The following CSNK1G1 variants were observed in gnomAD, a reference collection of about 807,000 sequenced individuals.
CSNK1G1 encodes the protein casein kinase 1 gamma 1.
In CSNK1G1, 22 loss-of-function variants were observed where a neutral mutation model predicts 59.6. The ratio of observed to expected loss-of-function variants is 0.37; its 90% CI spans 0.26 to 0.53. CSNK1G1 has a LOEUF of 0.53. CSNK1G1 is among the 20% of genes least tolerant of loss of function. CSNK1G1 has a pLI of 0.89. For missense variants in CSNK1G1, 384 were observed against 519.5 expected (o/e 0.74, Z 2.54); for synonymous variants, 179 against 177.1 (o/e 1.01, Z -0.08).
chr15:64,241,524 T>C (rs1165525958), intron 4 of CSNK1G1, among the ~76,000 whole-genome samples: 3 of 152,196 alleles, frequency 2.0e-5, no homozygotes, highest in East Asian at 1.9e-4. Context: ...CATCAGCATA[T>C]GGAATATTAT....
intron 2 of CSNK1G1, among the ~76,000 whole-genome samples, chr15:64,267,680 A>G (rs1249103882): frequency 1.3e-5 from 2 of 152,238 alleles, no homozygotes; most frequent in African/African-American, 2.4e-5. Flanking sequence ...GAAGAGAGGG[A>G]AATTTTTATA....
Position 64,168,095 on chromosome 15 carries a change from T to C in CSNK1G1, c.*3836A>G, listed in dbSNP as rs2081623253. The stretch of plus-strand genomic sequence containing the variant: ...TTTCTGGCTGATGGACAGGGACTGT[T>C]TTCTAAGTACTTGGAGTTCATTTAG... On this transcript the variant is annotated 3_prime_UTR_variant, in exon 12 of 12. Transcript: ENST00000303052. 1 of 152,604 alleles carries C rather than the reference T, an allele frequency of 6.6e-6. No individual in the cohort carries two copies. Among genetic ancestry groups the C allele is most frequent in the South Asian group, 2.1e-4 (1 of 4,832 alleles). 9.5% of individuals were successfully genotyped at this position (152,604 alleles called of 1,614,324 possible).
At chr15:64,243,073 C>T (rs948271730) in intron 4 of CSNK1G1, among the ~76,000 whole-genome samples, 2 of 151,988 alleles carry the variant, frequency 1.3e-5, no homozygotes, top group Admixed American at 6.5e-5. Context: ...CGGTGGCTCT[C>T]GCCTGTAATC....
chr15:64,323,776 T>C (rs1284654229), intron 1 of CSNK1G1, among the ~76,000 whole-genome samples: 2 of 152,180 alleles, frequency 1.3e-5, no homozygotes, highest in Non-Finnish European at 2.9e-5. Flanking sequence ...CCTTATCTTC[T>C]CACTCTATAG....
intron 10 of CSNK1G1, chr15:64,182,053 G>GTTTTTTTTTTTTTT (rs71447372): frequency 3.6e-5 from 3 of 83,236 alleles, no homozygotes; most frequent in African/African-American, 1.6e-4. Context: ...TTAGTAACCC[G>GTTTTTTTTTTTTTT]TTTTTTTTTT....
At chr15:64,232,885 G>C (rs925089706) in intron 4 of CSNK1G1, among the ~76,000 whole-genome samples, 3 of 152,134 alleles carry the variant, frequency 2.0e-5, no homozygotes, top group Non-Finnish European at 4.4e-5. Flanking sequence ...AGAATTAAAG[G>C]GAGAAAATAG....
chr15:64,252,443 C>G lies in CSNK1G1; in HGVS notation c.223-862G>C, dbSNP rs8026079. On this transcript the variant is annotated intron_variant, in intron 3 of 11. Coordinates refer to ENST00000303052, the MANE Select transcript of CSNK1G1 (RefSeq NM_022048.5). Reference sequence around the variant, plus strand: ...TAGGCTGGTCCCAAATTCCTGGGCTCAAGCAATCCTCCCACTTCAGCCACC... The same window carrying G: ...TAGGCTGGTCCCAAATTCCTGGGCTGAAGCAATCCTCCCACTTCAGCCACC... 8.4e-3 allele frequency among the ~76,000 whole-genome samples: 1,273 copies of G among 152,130 alleles called. 19 individuals carry two copies. Among genetic ancestry groups the G allele is most frequent in the African/African-American group, 0.029 (1,196 of 41,472 alleles).
At chr15:64,183,898 G>A (rs62024259) in intron 10 of CSNK1G1, among the ~76,000 whole-genome samples, 104 of 151,926 alleles carry the variant, frequency 6.8e-4, no homozygotes, top group Admixed American at 1.2e-3. Context: ...ACCACATCTG[G>A]CTAATTTTTG....
chr15:64,326,709 T>C (rs9744515), intron 1 of CSNK1G1, among the ~76,000 whole-genome samples: 19,924 of 151,128 alleles, frequency 0.13, 1,324 homozygotes, highest in African/African-American at 0.18. Flanking sequence ...GTCTACAGCT[T>C]CCAGCATGAG....
At chr15:64,259,011 A>G (rs1892545580) in intron 3 of CSNK1G1, 190 bp downstream of exon 3, 2 of 421,018 alleles carry the variant, frequency 4.8e-6, no homozygotes, top group East Asian at 7.3e-5. Flanking sequence ...ATTTAACTAT[A>G]TAGTGTTATA....
chr15:64,311,136 T>G lies in CSNK1G1; in HGVS notation c.-224-10413A>C, dbSNP rs189339220. Among the ~76,000 whole-genome samples, 5 of 152,118 alleles carry G rather than the reference T, an allele frequency of 3.3e-5. No homozygotes were observed. The East Asian group carries it at 9.7e-4, about 29-fold the overall frequency. On this transcript the variant is annotated intron_variant, in intron 1 of 11. Coordinates refer to ENST00000303052, the MANE Select transcript of CSNK1G1 (RefSeq NM_022048.5). ...TGGCATGATCTCAGCTCACTGCAAC[T>G]TCCACCTCCCGGGATTCTCCTGCCT...
intron 1 of CSNK1G1, among the ~76,000 whole-genome samples, chr15:64,310,224 G>A (rs1200397800): frequency 6.6e-6 from 1 of 152,030 alleles, no homozygotes; most frequent in Admixed American, 6.5e-5. Flanking sequence ...TGGCCATGAA[G>A]AAACAGCCTA....
chr15:64,186,612 C>G (rs552388174), intron 10 of CSNK1G1, among the ~76,000 whole-genome samples: 1 of 152,190 alleles, frequency 6.6e-6, no homozygotes, highest in Non-Finnish European at 1.5e-5. Flanking sequence ...TGGGCTCAAG[C>G]GATCCTCCCG....
chr15:64,192,722 G>A (rs941348459), intron 10 of CSNK1G1, among the ~76,000 whole-genome samples: 3 of 151,476 alleles, frequency 2.0e-5, no homozygotes. Context: ...AGCCGGGAGT[G>A]GTGGCATATG....
rs145405923 is a variant in CSNK1G1 at position 64,242,812 on chromosome 15, C to A, written c.292+8700G>T. The stretch of plus-strand genomic sequence containing the variant: ...ACTACATAGCAATATTCCTCATGAA[C>A]ATAGATGCAAAAATTCTTAACAAAA... On this transcript the variant is annotated intron_variant, in intron 4 of 11. Coordinates refer to ENST00000303052, the MANE Select transcript of CSNK1G1 (RefSeq NM_022048.5). Among the ~76,000 whole-genome samples the A allele has an allele frequency of 3.0e-3, 460 of 152,252 alleles. 1 individual carries two copies. Among genetic ancestry groups the A allele is most frequent in the African/African-American group, 0.011 (443 of 41,552 alleles).
At chr15:64,247,525 C>T (rs1046279934) in intron 4 of CSNK1G1, among the ~76,000 whole-genome samples, 24 of 151,942 alleles carry the variant, frequency 1.6e-4, no homozygotes, top group African/African-American at 5.8e-4. Context: ...AGAAACAAAG[C>T]TTGAAAAGTG....
intron 1 of CSNK1G1, among the ~76,000 whole-genome samples, chr15:64,332,894 C>A (rs1897189693): frequency 6.6e-6 from 1 of 152,070 alleles, no homozygotes; most frequent in South Asian, 2.1e-4. Flanking sequence ...CTAAGAATCA[C>A]TGGTGTTCCT....
At chr15:64,233,710 T>G (rs2140295176) in intron 4 of CSNK1G1, among the ~76,000 whole-genome samples, 1 of 152,304 alleles carries the variant, frequency 6.6e-6, no homozygotes, top group Admixed American at 6.5e-5. Flanking sequence ...TTTTTGTTTT[T>G]TGCAAACTAG....
intron 4 of CSNK1G1, among the ~76,000 whole-genome samples, chr15:64,227,066 G>C (rs902077406): frequency 1.1e-4 from 16 of 152,194 alleles, no homozygotes; most frequent in African/African-American, 3.4e-4. Flanking sequence ...GTTAAAATAA[G>C]TACTAAGTAA....
Sources: gnomAD v4.1 joint callset for allele counts (sites outside exome capture counted in the v4.1 genomes callset) on GRCh38, gnomAD v4.1.1 for gene constraint, MANE v1.5 for transcripts, NCBI Gene and HGNC (gene_info 2026-07-23, HGNC 2026-07-21) for gene names.